Variants in CNTN6 observed in about 807,000 individuals in gnomAD.
CNTN6 encodes the protein contactin 6.
A neutral mutation model predicts 122.8 loss-of-function variants in CNTN6; 137 were observed. The ratio of observed to expected loss-of-function variants is 1.12; its 90% CI spans 0.97 to 1.29. The LOEUF (loss-of-function observed/expected upper bound fraction) is 1.29. Among genes scored for constraint, CNTN6 ranks in the 50% most tolerant of loss-of-function variants. The pLI is 0.00. For synonymous variants in CNTN6, 570 were observed against 426.0 expected, an observed-to-expected ratio of 1.34 and a Z score of -4.16; for missense variants, 1,634 against 1,223.4, an observed-to-expected ratio of 1.34 and a Z score of -5.01.
chr3:1,107,059 G>C (rs906990604), intron 1 of CNTN6, among the ~76,000 whole-genome samples: 2 of 151,898 alleles, frequency 1.3e-5, no homozygotes, highest in Non-Finnish European at 1.5e-5. Context: ...TACCTACATT[G>C]GAAATGGTAA....
chr3:1,347,957 A>G (rs1364662379), intron 11 of CNTN6, among the ~76,000 whole-genome samples: 4 of 151,716 alleles, frequency 2.6e-5, no homozygotes, highest in South Asian at 4.2e-4. Context: ...TGATAAAACA[A>G]TTTCTTCTTT....
chr3:1,383,485 C>A, intron 19 of CNTN6, 77 bp downstream of exon 19: 1 of 1,025,534 alleles, frequency 9.8e-7, no homozygotes, highest in Non-Finnish European at 1.5e-6. Flanking sequence ...ACAGTCCTAT[C>A]CTACTAGCCT....
intron 4 of CNTN6, among the ~76,000 whole-genome samples, chr3:1,232,366 C>G (rs184207363): frequency 1.1e-3 from 160 of 152,284 alleles, no homozygotes; most frequent in African/African-American, 3.8e-3. Context: ...CCATCAAGTA[C>G]TACACTAGGT....
intron 16 of CNTN6, among the ~76,000 whole-genome samples, chr3:1,375,435 A>T (rs943152650): frequency 6.6e-6 from 1 of 152,088 alleles, no homozygotes; most frequent in Non-Finnish European, 1.5e-5. Context: ...ATCATCAAAG[A>T]CTAACAACTT....
At chr3:1,215,212 G>C (rs1227899969) in intron 2 of CNTN6, among the ~76,000 whole-genome samples, 1 of 152,182 alleles carries the variant, frequency 6.6e-6, no homozygotes, top group East Asian at 1.9e-4. Flanking sequence ...TCCATTTATA[G>C]TAACTTTTCT....
intron 2 of CNTN6, among the ~76,000 whole-genome samples, chr3:1,179,863 C>T (rs965582951): frequency 1.3e-5 from 2 of 152,096 alleles, no homozygotes; most frequent in African/African-American, 4.8e-5. Flanking sequence ...AATCTACAAG[C>T]CAGTTAAAAT....
chr3:1,293,083 T>G (rs262806), intron 5 of CNTN6, among the ~76,000 whole-genome samples: 114,319 of 152,076 alleles, frequency 0.75, 43,143 homozygotes, highest in East Asian at 0.93. Flanking sequence ...ATCTTTACTT[T>G]ATTTCTTCTC....
At chr3:1,400,110 T>C (rs926413471) in intron 20 of CNTN6, among the ~76,000 whole-genome samples, 7 of 152,238 alleles carry the variant, frequency 4.6e-5, no homozygotes, top group Admixed American at 4.6e-4. Context: ...AAAGAAATAG[T>C]TTCCACTTCT....
intron 2 of CNTN6, among the ~76,000 whole-genome samples, chr3:1,176,408 C>A (rs1022946538): frequency 6.6e-6 from 1 of 152,062 alleles, no homozygotes; most frequent in Non-Finnish European, 1.5e-5. Flanking sequence ...GAAACTCTGC[C>A]TCAGAAAAAA....
chr3:1,325,083 AT>A (rs1335703547), intron 8 of CNTN6, among the ~76,000 whole-genome samples: 7 of 151,924 alleles, frequency 4.6e-5, no homozygotes, highest in African/African-American at 1.7e-4. Context: ...AAAACATTTA[AT>A]TTCCAACCCG....
chr3:1,345,118 A>C (rs1396851031), intron 11 of CNTN6, among the ~76,000 whole-genome samples: 1 of 147,390 alleles, frequency 6.8e-6, no homozygotes, highest in African/African-American at 2.5e-5. Context: ...ATGTACAATT[A>C]CTTTTTTTTT....
intron 1 of CNTN6, among the ~76,000 whole-genome samples, chr3:1,143,884 G>A (rs888040695): frequency 6.6e-6 from 1 of 152,190 alleles, no homozygotes; most frequent in Non-Finnish European, 1.5e-5. Flanking sequence ...GAAGAAACTT[G>A]AAGGTGACTT....
intron 12 of CNTN6, among the ~76,000 whole-genome samples, chr3:1,363,757 T>C (rs921604917): frequency 6.6e-6 from 1 of 151,966 alleles, no homozygotes; most frequent in Admixed American, 6.6e-5. Flanking sequence ...ATTGATTTTA[T>C]TTTCTTTGGA....
At chr3:1,368,780 A>T (rs1708581089) in intron 12 of CNTN6, among the ~76,000 whole-genome samples, 1 of 152,168 alleles carries the variant, frequency 6.6e-6, no homozygotes, top group Non-Finnish European at 1.5e-5. Flanking sequence ...GTATGTCATC[A>T]CTCATCTATG....
At chr3:1,388,270 CCTAA>C (rs1359926310) in intron 20 of CNTN6, among the ~76,000 whole-genome samples, 2 of 148,732 alleles carry the variant, frequency 1.3e-5, no homozygotes, top group Non-Finnish European at 3.0e-5. Flanking sequence ...CCCCGAGCAG[CCTAA>C]CTGGGAGGCA....
chr3:1,226,961 T>G (rs1240053740), intron 3 of CNTN6, among the ~76,000 whole-genome samples: 2 of 152,196 alleles, frequency 1.3e-5, no homozygotes, highest in African/African-American at 4.8e-5. Context: ...ATATATACGA[T>G]TCATGCTTCA....
Position 1,372,312 on chromosome 3 carries a change from T to C in CNTN6, c.1506T>C (p.Ile502=), listed in dbSNP as rs1709141108. The change falls in exon 13 of 23, where the codon ATT becomes ATC. Residue 502 remains isoleucine (I), a synonymous_variant. Transcript: ENST00000446702. ...GSLIVKERTV[I]TVPPSKMDVT... Reference sequence around the variant, plus strand: ...TTTTCTCAACAGAGAGAACTGTCATTACCGTCCCACCTTCCAAAATGGATG... The same window carrying C: ...TTTTCTCAACAGAGAGAACTGTCATCACCGTCCCACCTTCCAAAATGGATG... 6.2e-7 allele frequency: 1 copy of C among 1,607,946 alleles called. No homozygotes were observed. Among genetic ancestry groups the C allele is most frequent in the African/African-American group, 1.3e-5 (1 of 74,586 alleles).
At chr3:1,318,703 C>T (rs1347257431) in intron 7 of CNTN6, among the ~76,000 whole-genome samples, 1 of 151,720 alleles carries the variant, frequency 6.6e-6, no homozygotes, top group African/African-American at 2.4e-5. Context: ...AGTTGTCTCA[C>T]AACTAGGAGC....
At chr3:1,255,284 T>G (rs1277490775) in intron 4 of CNTN6, among the ~76,000 whole-genome samples, 1 of 151,690 alleles carries the variant, frequency 6.6e-6, no homozygotes, top group Non-Finnish European at 1.5e-5. Flanking sequence ...TACAGGAAGG[T>G]GAAAAATTAG....
Sources: allele counts gnomAD v4.1 joint callset (sites outside exome capture counted in the v4.1 genomes callset), GRCh38; gene constraint gnomAD v4.1.1; transcripts MANE v1.5; gene names NCBI Gene and HGNC (gene_info 2026-07-23, HGNC 2026-07-21).